The following GRIA4 variants were observed in gnomAD, a reference collection of about 807,000 sequenced individuals.
GRIA4 encodes glutamate ionotropic receptor AMPA type subunit 4.
A neutral mutation model predicts 104.0 loss-of-function variants in GRIA4; 34 were observed. The ratio of observed to expected loss-of-function variants is 0.33; its 90% confidence interval spans 0.25 to 0.44. The LOEUF is 0.44. Among genes scored for constraint, GRIA4 ranks in the 20% least tolerant of loss-of-function variants. The pLI, the probability that GRIA4 is intolerant of heterozygous loss-of-function variation, is 1.00. For missense variants in GRIA4, 750 were observed against 1,096.5 expected (o/e 0.68, Z 4.46); for synonymous variants, 386 against 381.9 (o/e 1.01, Z -0.13).
At chr11:105,692,259 A>ATTTT (rs1363728897) in intron 3 of GRIA4, among the ~76,000 whole-genome samples, 68 of 151,512 alleles carry the variant, frequency 4.5e-4, no homozygotes, top group African/African-American at 1.3e-3. Flanking sequence ...TTTTTTTAAA[A>ATTTT]AAAAAAAGAA....
At chr11:105,615,355 T>C (rs892438665) in intron 3 of GRIA4, among the ~76,000 whole-genome samples, 4 of 151,892 alleles carry the variant, frequency 2.6e-5, no homozygotes, top group Non-Finnish European at 5.9e-5. Flanking sequence ...CTTAAACTTA[T>C]AATTTTTGGT....
chr11:105,629,398 T>C (rs1950974795), intron 3 of GRIA4, among the ~76,000 whole-genome samples: 1 of 152,008 alleles, frequency 6.6e-6, no homozygotes, highest in African/African-American at 2.4e-5. Context: ...TGATAAATAT[T>C]ATTATATGGC....
chr11:105,677,356 G>T (rs1310843907), intron 3 of GRIA4, among the ~76,000 whole-genome samples: 2 of 151,750 alleles, frequency 1.3e-5, no homozygotes, highest in Non-Finnish European at 2.9e-5. Context: ...GGTTAATGGG[G>T]CAAAAATAAT....
intron 4 of GRIA4, among the ~76,000 whole-genome samples, chr11:105,834,324 A>C (rs1202303343): frequency 6.6e-6 from 1 of 152,122 alleles, no homozygotes; most frequent in Non-Finnish European, 1.5e-5. Flanking sequence ...AGTATAATAG[A>C]AACTCAATGA....
At chr11:105,726,350 T>C (rs1938207241) in intron 3 of GRIA4, among the ~76,000 whole-genome samples, 1 of 152,104 alleles carries the variant, frequency 6.6e-6, no homozygotes, top group Admixed American at 6.6e-5. Context: ...AGATTCCTCC[T>C]CTCTGGGCAA....
At chr11:105,811,186 G>A (rs1943158148) in intron 4 of GRIA4, among the ~76,000 whole-genome samples, 1 of 152,052 alleles carries the variant, frequency 6.6e-6, no homozygotes, top group Non-Finnish European at 1.5e-5. Context: ...CTGTTAAGAG[G>A]GCTGCAGGGA....
chr11:105,820,957 G>A lies in GRIA4; in HGVS notation c.488-41067G>A, dbSNP rs147762034. Among the ~76,000 whole-genome samples, 319 of 152,132 alleles carry A rather than the reference G, an allele frequency of 2.1e-3. 2 individuals are homozygous for A. Among genetic ancestry groups the A allele is most frequent in the African/African-American group, 7.1e-3 (294 of 41,522 alleles). On this transcript the variant is annotated intron_variant, in intron 4 of 16. Transcript: ENST00000282499. ...ACAGAAGAGCGAAAACTTCCCTGAT[G>A]GTATATGAGGCCTGAACGTTTATTA...
At chr11:105,911,301 T>A (rs534825313) in intron 10 of GRIA4, among the ~76,000 whole-genome samples, 1 of 152,160 alleles carries the variant, frequency 6.6e-6, no homozygotes, top group Admixed American at 6.6e-5. Context: ...TTTTAAATAA[T>A]AGAATATCTT....
chr11:105,763,005 G>A (rs752627530), intron 4 of GRIA4, among the ~76,000 whole-genome samples: 1 of 152,152 alleles, frequency 6.6e-6, no homozygotes, highest in Non-Finnish European at 1.5e-5. Flanking sequence ...ATCATATTGA[G>A]GAGTCATGTT....
At chr11:105,753,389 G>A (rs904024204) in intron 4 of GRIA4, among the ~76,000 whole-genome samples, 169 bp downstream of exon 4, 4 of 152,006 alleles carry the variant, frequency 2.6e-5, no homozygotes, top group Non-Finnish European at 5.9e-5. Flanking sequence ...CTAATTAAAC[G>A]AGTTTCAGAT....
intron 3 of GRIA4, among the ~76,000 whole-genome samples, chr11:105,657,885 T>C (rs1406893759): frequency 1.3e-5 from 2 of 151,894 alleles, no homozygotes; most frequent in African/African-American, 4.8e-5. Flanking sequence ...AGGAGGTATA[T>C]GGAAACTCTA....
At chr11:105,668,930 T>TATC (rs931820698) in intron 3 of GRIA4, among the ~76,000 whole-genome samples, 3 of 152,022 alleles carry the variant, frequency 2.0e-5, no homozygotes, top group African/African-American at 4.8e-5. Flanking sequence ...GAGCTCCATG[T>TATC]ATCTGTCTCT....
intron 4 of GRIA4, among the ~76,000 whole-genome samples, chr11:105,833,167 A>T (rs1944041240): frequency 6.6e-6 from 1 of 151,926 alleles, no homozygotes; most frequent in Admixed American, 6.6e-5. Context: ...TCACGCATAC[A>T]ACAGATCTTT....
chr11:105,900,090 T>C (rs2136133452), intron 7 of GRIA4, among the ~76,000 whole-genome samples: 1 of 152,164 alleles, frequency 6.6e-6, no homozygotes, highest in South Asian at 2.1e-4. Context: ...GCTGGGACCT[T>C]GTGTGTTGGG....
chr11:105,966,019 G>C, intron 14 of GRIA4: 1 of 1,613,618 alleles, frequency 6.2e-7, no homozygotes. Flanking sequence ...ACAAATGGTG[G>C]TACGACAAAG....
Position 105,863,391 on chromosome 11 carries a change from A to AATATAT in GRIA4, c.672+1195_672+1200dup, listed in dbSNP as rs148725532. Among the ~76,000 whole-genome samples the AATATAT allele has an allele frequency of 5.8e-3, 868 of 148,836 alleles. 11 individuals are homozygous for AATATAT. The highest frequency in any genetic ancestry group is 0.019 in the African/African-American group (758 of 40,488). On this transcript the variant is annotated intron_variant, in intron 5 of 16. Transcript: ENST00000282499. ...CGTCCCTTTGTAGAAGAAAAAGCTA[A>AATATAT]ATATATATATATATATACTGAAGAA...
At chr11:105,778,260 A>G (rs1366683726) in intron 4 of GRIA4, among the ~76,000 whole-genome samples, 1 of 152,220 alleles carries the variant, frequency 6.6e-6, no homozygotes, top group East Asian at 1.9e-4. Flanking sequence ...TTTGTGACCT[A>G]GTATTATTTT....
At chr11:105,633,433 A>G (rs934052960) in intron 3 of GRIA4, among the ~76,000 whole-genome samples, 8 of 152,226 alleles carry the variant, frequency 5.3e-5, no homozygotes, top group African/African-American at 1.4e-4. Flanking sequence ...CCCTGAATAT[A>G]GTTCATAGCA....
intron 3 of GRIA4, among the ~76,000 whole-genome samples, chr11:105,723,453 G>C (rs768015113): frequency 1.3e-5 from 2 of 151,876 alleles, no homozygotes; most frequent in Non-Finnish European, 2.9e-5. Flanking sequence ...GTAAAATAAC[G>C]ATTGGTCAGC....
Sources: gnomAD v4.1 joint callset for allele counts (sites outside exome capture counted in the v4.1 genomes callset) on GRCh38, gnomAD v4.1.1 for gene constraint, MANE v1.5 for transcripts, NCBI Gene and HGNC (gene_info 2026-07-23, HGNC 2026-07-21) for gene names.